The following MMADHC variants were observed in gnomAD, a reference collection of about 807,000 sequenced individuals.
The protein encoded by MMADHC is cobalamin trafficking protein CblD.
In MMADHC, 23 loss-of-function variants were observed where a neutral mutation model predicts 36.3. That is an observed-to-expected ratio of 0.63 (90% CI 0.46 to 0.90). The LOEUF is 0.90. MMADHC is among the 40% of genes least tolerant of loss of function. The pLI, the probability that MMADHC is intolerant of heterozygous loss-of-function variation, is 0.00. For synonymous variants in MMADHC, 97 were observed against 116.1 expected (o/e 0.84, Z 1.06); for missense variants, 330 against 348.0 (o/e 0.95, Z 0.41).
chr2:149,578,049 C>T (rs1176032433), intron 4 of MMADHC, among the ~76,000 whole-genome samples: 1 of 151,764 alleles, frequency 6.6e-6, no homozygotes, highest in Admixed American at 6.6e-5. Context: ...ACAACAACAA[C>T]AAAGAAACAG....
At chr2:149,578,876 TTAAA>T (rs548266858) in intron 4 of MMADHC, among the ~76,000 whole-genome samples, 53 of 151,518 alleles carry the variant, frequency 3.5e-4, no homozygotes, top group Middle Eastern at 6.8e-3. Flanking sequence ...AGCTTTCCAC[TTAAA>T]TAAATAATCA....
At chr2:149,576,633 TTTTG>T (rs561013419) in intron 4 of MMADHC, 91 bp from the exon 5 acceptor site, 62 of 865,650 alleles carry the variant, frequency 7.2e-5, no homozygotes, top group Admixed American at 3.0e-4. Flanking sequence ...TTAGAAAGCT[TTTTG>T]TTTGTTTTTA....
chr2:149,583,489 C>T (rs1427908191), intron 2 of MMADHC, among the ~76,000 whole-genome samples: 3 of 152,056 alleles, frequency 2.0e-5, no homozygotes, highest in Non-Finnish European at 2.9e-5. Flanking sequence ...CTTGTTACAT[C>T]AAGATAGTAA....
intron 2 of MMADHC, chr2:149,586,788 A>G (rs922108987): frequency 7.8e-6 from 3 of 382,996 alleles, no homozygotes; most frequent in African/African-American, 6.3e-5. Context: ...AAAAGCTAAA[A>G]AAGGGCCTAA....
chr2:149,586,253 A>C (rs1383332430), intron 2 of MMADHC, among the ~76,000 whole-genome samples: 1 of 152,232 alleles, frequency 6.6e-6, no homozygotes, highest in Non-Finnish European at 1.5e-5. Flanking sequence ...CAAGGCTCTC[A>C]TTTACTTGGT....
intron 7 of MMADHC, 133 bp from the exon 8 acceptor site, chr2:149,570,301 C>T: frequency 2.6e-6 from 2 of 782,034 alleles, no homozygotes; most frequent in Admixed American, 2.3e-5. Context: ...AAGTCACATG[C>T]AACACTTAAA....
chr2:149,576,336 TATA>T (rs764810073), intron 5 of MMADHC, 98 bp downstream of exon 5: 2 of 837,966 alleles, frequency 2.4e-6, no homozygotes, highest in Non-Finnish European at 4.1e-6. Flanking sequence ...TACGGTAAAA[TATA>T]ATATTAAGGT....
Position 149,576,499 on chromosome 2 carries a change from G to A in MMADHC, c.416C>T (p.Thr139Ile). The A allele has an allele frequency of 6.2e-7, 1 of 1,613,728 alleles. No homozygotes were observed. The highest frequency in any genetic ancestry group is 2.2e-5 in the East Asian group (1 of 44,810). ...CTCTACTCTGGCACTTTCAAAGTAAGTTTCTGCACTGTTAATTTCTTGTTC... is the reference window on the plus strand; with the variant it reads ...CTCTACTCTGGCACTTTCAAAGTAAATTTCTGCACTGTTAATTTCTTGTTC... ...PVEQEINSAE[T>I]YFESARVECA... Residue 139 changes from threonine to isoleucine, a missense_variant, in exon 5 of 8, where the codon ACT becomes ATT. By Grantham distance (89) the Thr-to-Ile change is moderately conservative. Coordinates refer to ENST00000303319, the MANE Select transcript of MMADHC (RefSeq NM_015702.3).
intron 2 of MMADHC, 39 bp downstream of exon 2, chr2:149,587,050 G>C: frequency 1.2e-6 from 2 of 1,603,586 alleles, no homozygotes; most frequent in Non-Finnish European, 1.7e-6. Flanking sequence ...ATTCCCAAAC[G>C]AGTTTACTAT....
intron 6 of MMADHC, 109 bp from the exon 7 acceptor site, chr2:149,571,280 T>C: frequency 1.5e-6 from 1 of 656,342 alleles, no homozygotes; most frequent in East Asian, 3.0e-5. Context: ...AACTCAAGAT[T>C]AATAAAAAAA....
Position 149,587,175 on chromosome 2 carries a change from C to G in MMADHC, c.-52-26G>C, listed in dbSNP as rs4667420. 1,191,032 of 1,368,248 alleles carry G rather than the reference C, an allele frequency of 0.87. 530,667 individuals carry two copies. The highest frequency in any genetic ancestry group is 0.91 in the Non-Finnish European group (869,881 of 956,512). 84.8% of individuals were successfully genotyped at this position (1,368,248 alleles called of 1,614,324 possible). On this transcript the variant is annotated intron_variant, in intron 1 of 7. Coordinates refer to ENST00000303319, the MANE Select transcript of MMADHC (RefSeq NM_015702.3). Reference sequence around the variant, plus strand: ...CTGGGAAAGAACACAACAAAACAGACGAGTGATCGATTAAACTCTAACAAC... The same window carrying G: ...CTGGGAAAGAACACAACAAAACAGAGGAGTGATCGATTAAACTCTAACAAC...
intron 3 of MMADHC, among the ~76,000 whole-genome samples, chr2:149,579,867 G>A (rs775187860): frequency 1.2e-4 from 19 of 152,098 alleles, no homozygotes; most frequent in Non-Finnish European, 1.2e-4. Flanking sequence ...GGGAAAGACT[G>A]AATAAAATAC....
chr2:149,579,249 T>C (rs1021774750), intron 4 of MMADHC, among the ~76,000 whole-genome samples, 182 bp downstream of exon 4: 2 of 152,146 alleles, frequency 1.3e-5, no homozygotes, highest in African/African-American at 4.8e-5. Flanking sequence ...AAAAATTATA[T>C]AGCAAACACT....
At chr2:149,586,912 G>A (rs1010945875) in intron 2 of MMADHC, 177 bp downstream of exon 2, 7 of 661,584 alleles carry the variant, frequency 1.1e-5, no homozygotes, top group African/African-American at 9.0e-5. Flanking sequence ...GCAGTGCAAA[G>A]AATGCTACCA....
chr2:149,583,540 A>G (rs1038029505), intron 2 of MMADHC, among the ~76,000 whole-genome samples: 1 of 152,210 alleles, frequency 6.6e-6, no homozygotes, highest in Non-Finnish European at 1.5e-5. Context: ...GTCAGAGCAA[A>G]CTGACAAAAA....
In MMADHC at chr2:149,582,155, A is replaced by G; in HGVS notation, c.126T>C (p.Ser42=). 1 of 1,614,002 alleles carries G rather than the reference A, an allele frequency of 6.2e-7. No individual in the cohort carries two copies. Among genetic ancestry groups the G allele is most frequent in the Non-Finnish European group, 8.5e-7 (1 of 1,179,900 alleles). ...TATCTGGAGGTGCAGCAGCCACATG[A>G]GACTCATCCGAACCTGATGATCCTG... ...STAGSSGSDE[S]HVAAAPPDIC... is the part of the protein sequence containing the mutation. Residue 42 remains serine (S), a synonymous_variant, in exon 3 of 8, where the codon TCT becomes TCC. Transcript: ENST00000303319.
At position 149,570,145 on chromosome 2, in the gene MMADHC, G is replaced by GTTGT; in HGVS notation, c.716_719dup (p.Asn240LysfsTer6). On this transcript the variant is annotated frameshift_variant, in exon 8 of 8. Transcript: ENST00000303319. LOFTEE classifies it high-confidence loss of function. Reference sequence around the variant, plus strand: ...AGCGTTCATCAGTTTCAAAAAGAGTGTTGTTTGTATATGGTCCAAAAAACT... The same window carrying GTTGT: ...AGCGTTCATCAGTTTCAAAAAGAGTGTTGTTTGTTTGTATATGGTCCAAAAAACT... The GTTGT allele has an allele frequency of 6.2e-7, 1 of 1,613,684 alleles. No individual in the cohort carries two copies. Among genetic ancestry groups the GTTGT allele is most frequent in the Non-Finnish European group, 8.5e-7 (1 of 1,179,768 alleles).
intron 3 of MMADHC, among the ~76,000 whole-genome samples, chr2:149,581,685 T>C (rs112935432): frequency 0.016 from 2,420 of 152,242 alleles, 57 homozygotes; most frequent in African/African-American, 0.054. Flanking sequence ...GAAAGGGACA[T>C]GGTTAAAATA....
Position 149,579,478 on chromosome 2 carries a change from T to TTGATAAAGGTTCTGCTA in MMADHC, c.308_324dup (p.Ser109Ter). 1 of 1,612,572 alleles carries TTGATAAAGGTTCTGCTA rather than the reference T, an allele frequency of 6.2e-7. No individual in the cohort carries two copies. Among genetic ancestry groups the TTGATAAAGGTTCTGCTA allele is most frequent in the African/African-American group, 1.3e-5 (1 of 75,002 alleles). On this transcript the variant is annotated stop_gained and frameshift_variant, in exon 4 of 8. Coordinates refer to ENST00000303319, the MANE Select transcript of MMADHC (RefSeq NM_015702.3). LOFTEE classifies it high-confidence loss of function. Reference sequence around the variant, plus strand: ...GCCATCACAAACTCATGTCTTTCACTTGATAAAGGTTCTGCTAGAACATCA... The same window carrying TTGATAAAGGTTCTGCTA: ...GCCATCACAAACTCATGTCTTTCACTTGATAAAGGTTCTGCTATGATAAAGGTTCTGCTAGAACATCA...
Sources: gnomAD v4.1 joint callset for allele counts (sites outside exome capture counted in the v4.1 genomes callset) on GRCh38, gnomAD v4.1.1 for gene constraint, MANE v1.5 for transcripts, NCBI Gene and HGNC (gene_info 2026-07-23, HGNC 2026-07-21) for gene names.